GRIK2: variants seen among roughly 807,000 people sequenced by gnomAD.
GRIK2 encodes the protein glutamate ionotropic receptor kainate type subunit 2, also known as glutamate receptor ionotropic, kainate 2.
GRIK2 carries 32 observed loss-of-function variants against 100.3 expected under a neutral mutation model. The ratio of observed to expected loss-of-function variants is 0.32; its 90% CI spans 0.24 to 0.43. The LOEUF is 0.43. Among genes scored for constraint, GRIK2 ranks in the 20% least tolerant of loss-of-function variants. The pLI is 1.00. For synonymous variants in GRIK2, 417 were observed against 389.4 expected, an observed-to-expected ratio of 1.07 and a Z score of -0.83; for missense variants, 843 against 1,114.9, an observed-to-expected ratio of 0.76 and a Z score of 3.47.
chr6:102,064,442 ATCTT>A (rs1435195024), intron 16 of GRIK2, among the ~76,000 whole-genome samples: 2 of 101,270 alleles, frequency 2.0e-5, no homozygotes, highest in Non-Finnish European at 4.1e-5. Flanking sequence ...TTCTCTGTCC[ATCTT>A]TCTTTCTCTC....
chr6:101,516,320 C>T (rs538861718), intron 2 of GRIK2, among the ~76,000 whole-genome samples: 11 of 152,148 alleles, frequency 7.2e-5, no homozygotes, highest in African/African-American at 2.6e-4. Flanking sequence ...AGACATCACA[C>T]TACCAGATTT....
intron 2 of GRIK2, among the ~76,000 whole-genome samples, chr6:101,567,134 T>A (rs921747622): frequency 2.6e-5 from 4 of 151,798 alleles, no homozygotes; most frequent in Admixed American, 2.6e-4. Flanking sequence ...TTCATTGTAT[T>A]TTCTGAGTGC....
chr6:101,561,549 T>A (rs1777012483), intron 2 of GRIK2, among the ~76,000 whole-genome samples: 1 of 152,058 alleles, frequency 6.6e-6, no homozygotes, highest in Admixed American at 6.6e-5. Context: ...ATGATGGATA[T>A]CCCAATTACT....
chr6:102,052,401 T>G (rs1771246528), intron 15 of GRIK2, among the ~76,000 whole-genome samples: 1 of 152,168 alleles, frequency 6.6e-6, no homozygotes, highest in Non-Finnish European at 1.5e-5. Flanking sequence ...TAAACATTCC[T>G]ATGTTCATAA....
At chr6:101,939,169 AT>A in intron 14 of GRIK2, among the ~76,000 whole-genome samples, 1 of 152,072 alleles carries the variant, frequency 6.6e-6, no homozygotes, top group East Asian at 1.9e-4. Flanking sequence ...TGTTGAGTCA[AT>A]ATAATAGTTT....
chr6:101,979,196 T>A lies in GRIK2; in HGVS notation c.2085+50564T>A, dbSNP rs534545735. Among the ~76,000 whole-genome samples the A allele has an allele frequency of 2.7e-4, 41 of 152,058 alleles. 1 individual carries two copies. The South Asian group carries it at 4.1e-3, about 15-fold the overall frequency. ...AGATTGTTGGAAAAATAGGAAGTAG[T>A]AGTCAGAGAGTGGACTACAGGAAAC... On this transcript the variant is annotated intron_variant, in intron 14 of 16. Coordinates refer to ENST00000369134, the MANE Select transcript of GRIK2 (RefSeq NM_021956.5).
chr6:101,593,524 C>G (rs1267117380), intron 2 of GRIK2, among the ~76,000 whole-genome samples: 1 of 151,852 alleles, frequency 6.6e-6, no homozygotes, highest in Non-Finnish European at 1.5e-5. Context: ...TAAAGCCCAG[C>G]TGCTTAATGC....
intron 14 of GRIK2, among the ~76,000 whole-genome samples, chr6:102,004,243 G>GTTCTTTATGTCCCTTATAT (rs1436942648): frequency 5.1e-5 from 7 of 138,062 alleles, no homozygotes; most frequent in Admixed American, 5.0e-4. Context: ...GTCCTTTATA[G>GTTCTTTATGTCCCTTATAT]TTCTTTATGT....
At chr6:101,800,069 T>A (rs1780578118) in intron 8 of GRIK2, among the ~76,000 whole-genome samples, 1 of 152,156 alleles carries the variant, frequency 6.6e-6, no homozygotes, top group Non-Finnish European at 1.5e-5. Flanking sequence ...AATAAAGGAA[T>A]GTTTATATTT....
intron 14 of GRIK2, among the ~76,000 whole-genome samples, chr6:101,990,315 G>GT (rs879771927): frequency 1.4e-4 from 21 of 151,714 alleles, no homozygotes; most frequent in Admixed American, 8.6e-4. Flanking sequence ...AGAAGTTAAG[G>GT]TTTATGGGAT....
chr6:101,420,236 G>T (rs1010192669), intron 2 of GRIK2, among the ~76,000 whole-genome samples: 1 of 152,190 alleles, frequency 6.6e-6, no homozygotes, highest in African/African-American at 2.4e-5. Context: ...TTCAGAGTAA[G>T]AATTCAAATG....
At chr6:101,692,819 A>G (rs1772204925) in intron 7 of GRIK2, among the ~76,000 whole-genome samples, 1 of 152,130 alleles carries the variant, frequency 6.6e-6, no homozygotes, top group Admixed American at 6.6e-5. Flanking sequence ...TTTGGGGTCC[A>G]TAATATAATA....
chr6:102,055,956 C>A (rs1308254072), intron 16 of GRIK2, among the ~76,000 whole-genome samples: 1 of 151,616 alleles, frequency 6.6e-6, no homozygotes, highest in Non-Finnish European at 1.5e-5. Context: ...AAAAAATACT[C>A]TGCAGATTAA....
chr6:101,613,445 G>T (rs1202602266), intron 2 of GRIK2, among the ~76,000 whole-genome samples: 2 of 151,770 alleles, frequency 1.3e-5, no homozygotes, highest in Non-Finnish European at 2.9e-5. Flanking sequence ...TACATTAGAT[G>T]TTGAATAAGT....
intron 12 of GRIK2, among the ~76,000 whole-genome samples, chr6:101,923,169 G>A (rs891324901): frequency 3.3e-5 from 5 of 152,046 alleles, no homozygotes; most frequent in African/African-American, 9.7e-5. Flanking sequence ...CATATGTCAG[G>A]AACATTATTG....
At chr6:101,487,876 T>A (rs1772909897) in intron 2 of GRIK2, among the ~76,000 whole-genome samples, 1 of 146,016 alleles carries the variant, frequency 6.8e-6, no homozygotes. Flanking sequence ...ACATAGAAAA[T>A]CACACATTAA....
chr6:101,638,752 A>G (rs1486968847), intron 4 of GRIK2, among the ~76,000 whole-genome samples: 3 of 152,090 alleles, frequency 2.0e-5, no homozygotes, highest in Non-Finnish European at 2.9e-5. Flanking sequence ...TGTTTTAGTA[A>G]CAATAATGTC....
chr6:101,595,091 T>C (rs1778848461), intron 2 of GRIK2, among the ~76,000 whole-genome samples: 1 of 151,290 alleles, frequency 6.6e-6, no homozygotes, highest in Non-Finnish European at 1.5e-5. Context: ...TTCAATAACT[T>C]TTAAAATTCT....
intron 2 of GRIK2, among the ~76,000 whole-genome samples, chr6:101,612,227 C>A (rs896315298): frequency 5.3e-5 from 8 of 151,818 alleles, no homozygotes; most frequent in South Asian, 2.1e-4. Context: ...GAAGCAGGTT[C>A]TTTGGACTAA....
Sources: gnomAD v4.1 joint callset for allele counts (sites outside exome capture counted in the v4.1 genomes callset) on GRCh38, gnomAD v4.1.1 for gene constraint, MANE v1.5 for transcripts, NCBI Gene and HGNC (gene_info 2026-07-23, HGNC 2026-07-21) for gene names.